IGFBP1: variants seen among roughly 807,000 people sequenced by gnomAD.
The protein encoded by IGFBP1 is insulin like growth factor binding protein 1.
IGFBP1 carries 31 observed loss-of-function variants against 23.1 expected under a neutral mutation model. That is an observed-to-expected ratio of 1.34 (90% CI 1.01 to 1.81). The LOEUF is 1.81. Ranked by LOEUF, IGFBP1 falls within the 40% of genes most tolerant of loss-of-function variation. The pLI, the probability that IGFBP1 is intolerant of heterozygous loss-of-function variation, is 0.00. For missense variants in IGFBP1, 333 were observed against 342.2 expected (o/e 0.97, Z 0.21); for synonymous variants, 148 against 145.5 (o/e 1.02, Z -0.13).
intron 2 of IGFBP1, 30 bp downstream of exon 2, chr7:45,890,747 T>C (rs760516629): frequency 6.4e-7 from 1 of 1,568,054 alleles, no homozygotes; most frequent in South Asian, 1.2e-5. Flanking sequence ...TGGTGGGAAC[T>C]CTCCTGTCAG....
intron 3 of IGFBP1, among the ~76,000 whole-genome samples, chr7:45,892,369 G>A (rs1787092456): frequency 6.6e-6 from 1 of 152,196 alleles, no homozygotes; most frequent in Admixed American, 6.5e-5. Context: ...CCTAACGCTT[G>A]GATCTTGGGT....
chr7:45,891,536 T>C (rs2854843), intron 2 of IGFBP1, among the ~76,000 whole-genome samples: 23,086 of 152,224 alleles, frequency 0.15, 2,041 homozygotes, highest in East Asian at 0.33. Context: ...AATCTAGAAA[T>C]GTCTTCTGCT....
rs1787086893 is a variant in IGFBP1, at chr7:45,891,967, G to T, written c.555G>T (p.Glu185Asp). 6.2e-7 allele frequency: 1 copy of T among 1,613,930 alleles called. No individual in the cohort carries two copies. The highest frequency in any genetic ancestry group is 1.1e-5 in the South Asian group (1 of 91,086). The change falls in exon 3 of 4, where the codon GAG becomes GAT. Residue 185 changes from glutamate to aspartate, a missense_variant. Physicochemically the swap from Glu to Asp is conservative, Grantham distance 45 (BLOSUM62 2). Transcript: ENST00000275525. ...GAATAGAACTCTACAGAGTCGTAGA[G>T]AGTTTAGCCAAGGCACAGGAGACAT... is the stretch of plus-strand genomic sequence containing the variant. ...PCRIELYRVVESLAKAQETSG... is the reference protein window; with the variant it reads ...PCRIELYRVVDSLAKAQETSG...
Position 45,888,763 on chromosome 7 carries a change from G to T in IGFBP1, c.111G>T (p.Lys37Asn). 6.3e-7 allele frequency: 1 copy of T among 1,575,984 alleles called. No homozygotes were observed. The highest frequency in any genetic ancestry group is 8.6e-7 in the Non-Finnish European group (1 of 1,168,926). ...AGTGCGCGCCCTGCTCCGCCGAGAA[G>T]CTCGCGCTCTGCCCGCCGGTGTCCG... ...PWQCAPCSAE[K>N]LALCPPVSAS... is the part of the protein sequence containing the mutation. Residue 37 changes from lysine to asparagine, a missense_variant, in exon 1 of 4, where the codon AAG becomes AAT. Physicochemically the swap from Lys to Asn is moderately conservative, Grantham distance 94. Coordinates refer to ENST00000275525, the MANE Select transcript of IGFBP1 (RefSeq NM_000596.4).
At chr7:45,891,751 C>T (rs902441635) in intron 2 of IGFBP1, among the ~76,000 whole-genome samples, 181 bp from the exon 3 acceptor site, 2 of 152,128 alleles carry the variant, frequency 1.3e-5, no homozygotes, top group Non-Finnish European at 2.9e-5. Flanking sequence ...TTAAGACAGA[C>T]TAACTGCAGG....
rs1389339072 is a variant in IGFBP1, at chr7:45,888,769, G to T, written c.117G>T (p.Ala39=). 1.3e-6 allele frequency: 2 copies of T among 1,565,914 alleles called. No individual in the cohort carries two copies. The highest frequency in any genetic ancestry group is 1.7e-6 in the Non-Finnish European group (2 of 1,163,104). The part of the protein sequence containing the change: ...QCAPCSAEKL[A]LCPPVSASCS... ...CGCCCTGCTCCGCCGAGAAGCTCGC[G>T]CTCTGCCCGCCGGTGTCCGCCTCGT... is the stretch of plus-strand genomic sequence containing the variant. Residue 39 remains alanine, a synonymous_variant, in exon 1 of 4, where the codon GCG becomes GCT. Coordinates refer to ENST00000275525, the MANE Select transcript of IGFBP1 (RefSeq NM_000596.4).
At position 45,888,861 on chromosome 7, in the gene IGFBP1, C is replaced by A; in HGVS notation, c.209C>A (p.Ala70Glu). The A allele has an allele frequency of 6.6e-7, 1 of 1,513,272 alleles. No homozygotes were observed. The highest frequency in any genetic ancestry group is 8.8e-7 in the Non-Finnish European group (1 of 1,140,356). 93.7% of individuals were successfully genotyped at this position (1,513,272 alleles called of 1,614,324 possible). The stretch of plus-strand genomic sequence containing the variant: ...ATGTGCGCCCTGCCTCTGGGCGCCG[C>A]GTGCGGCGTGGCGACTGCACGCTGC... ...CPMCALPLGA[A>E]CGVATARCAR... The change falls in exon 1 of 4, where the codon GCG (alanine) becomes GAG (glutamate). Residue 70 changes from alanine (A) to glutamate (E), a missense_variant. Physicochemically the swap from Ala to Glu is moderately radical, Grantham distance 107. Coordinates refer to ENST00000275525, the MANE Select transcript of IGFBP1 (RefSeq NM_000596.4).
intron 3 of IGFBP1, 134 bp downstream of exon 3, chr7:45,892,194 T>TCC (rs1451698923): frequency 1.1e-6 from 1 of 910,962 alleles, no homozygotes; most frequent in African/African-American, 1.7e-5. Flanking sequence ...TTGAGCCAGA[T>TCC]CCACCCCTCT....
In IGFBP1 at chr7:45,893,108, G is replaced by C; in HGVS notation, c.*17G>C. The C allele has an allele frequency of 6.3e-7, 1 of 1,583,636 alleles. No homozygotes were observed. Among genetic ancestry groups the C allele is most frequent in the Admixed American group, 1.7e-5 (1 of 59,724 alleles). Reference sequence around the variant, plus strand: ...CAAAACTGAAACCAGATGAAATAATGTTCTGTCACGTGAAATATTTAAGTA... The same window carrying C: ...CAAAACTGAAACCAGATGAAATAATCTTCTGTCACGTGAAATATTTAAGTA... On this transcript the variant is annotated 3_prime_UTR_variant, in exon 4 of 4. Coordinates refer to ENST00000275525, the MANE Select transcript of IGFBP1 (RefSeq NM_000596.4).
chr7:45,889,904 G>A (rs1408026061), intron 1 of IGFBP1, among the ~76,000 whole-genome samples: 1 of 152,222 alleles, frequency 6.6e-6, no homozygotes, highest in African/African-American at 2.4e-5. Context: ...TGATCCTCAA[G>A]GAGATGGATT....
intron 1 of IGFBP1, among the ~76,000 whole-genome samples, chr7:45,889,914 T>A (rs1419727294): frequency 6.6e-6 from 1 of 152,190 alleles, no homozygotes; most frequent in Non-Finnish European, 1.5e-5. Flanking sequence ...GGAGATGGAT[T>A]TCCACAGGGG....
rs537803400 is a variant in IGFBP1, at chr7:45,891,827, C to T, written c.520-105C>T. 2.8e-5 allele frequency: 33 copies of T among 1,164,376 alleles called. No homozygotes were observed. The South Asian group carries it at 3.9e-4, about 14-fold the overall frequency. 72.1% of individuals were successfully genotyped at this position (1,164,376 alleles called of 1,614,324 possible). A position where few individuals can be genotyped will look rare whatever the true frequency, so the allele number is the denominator to read the frequency against. On this transcript the variant is annotated intron_variant, in intron 2 of 3. Coordinates refer to ENST00000275525, the MANE Select transcript of IGFBP1 (RefSeq NM_000596.4). Reference sequence around the variant, plus strand: ...TAGTCCCAGGTCCCCGTGGCCAGATCGTAGGGCCACTCCTGCTTCTACAAA... The same window carrying T: ...TAGTCCCAGGTCCCCGTGGCCAGATTGTAGGGCCACTCCTGCTTCTACAAA...
chr7:45,893,133 A>G lies in IGFBP1; in HGVS notation c.*42A>G, dbSNP rs988110489. The G allele has an allele frequency of 2.7e-5, 38 of 1,416,564 alleles. No homozygotes were observed. The highest frequency in any genetic ancestry group is 4.1e-4 in the Middle Eastern group (2 of 4,928). 87.7% of individuals were successfully genotyped at this position (1,416,564 alleles called of 1,614,324 possible). On this transcript the variant is annotated 3_prime_UTR_variant, in exon 4 of 4. Coordinates refer to ENST00000275525, the MANE Select transcript of IGFBP1 (RefSeq NM_000596.4). ...GTTCTGTCACGTGAAATATTTAAGTATATAGTATATTTATACTCTAGAACA... is the reference window on the plus strand; with the variant it reads ...GTTCTGTCACGTGAAATATTTAAGTGTATAGTATATTTATACTCTAGAACA...
At position 45,888,998 on chromosome 7, in the gene IGFBP1, G is replaced by T; in HGVS notation, c.346G>T (p.Ala116Ser). The T allele has an allele frequency of 6.6e-7, 1 of 1,514,334 alleles. No homozygotes were observed. Among genetic ancestry groups the T allele is most frequent in the Non-Finnish European group, 8.8e-7 (1 of 1,137,746 alleles). The allele number at this position is 1,514,334 out of a possible 1,614,324, so 93.8% of individuals were successfully genotyped here. Residue 116 changes from alanine (A) to serine (S), a missense_variant, in exon 1 of 4, where the codon GCA becomes TCA. Coordinates refer to ENST00000275525, the MANE Select transcript of IGFBP1 (RefSeq NM_000596.4). Reference protein sequence around the residue: ...QESDASAPHAAEAGSPESPES... With the variant: ...QESDASAPHASEAGSPESPES... ...GTCTGACGCCTCCGCTCCCCATGCTGCAGGTACCACAGTCCCGCCCCTGCT... is the reference window on the plus strand; with the variant it reads ...GTCTGACGCCTCCGCTCCCCATGCTTCAGGTACCACAGTCCCGCCCCTGCT...
chr7:45,889,788 G>A (rs1470067495), intron 1 of IGFBP1, among the ~76,000 whole-genome samples: 1 of 152,170 alleles, frequency 6.6e-6, no homozygotes, highest in African/African-American at 2.4e-5. Context: ...TACCCTGATA[G>A]GGTGTTAGAG....
rs1787021124 is a variant in IGFBP1, at chr7:45,888,749, T to A, written c.97T>A (p.Cys33Ser). The A allele has an allele frequency of 5.0e-6, 8 of 1,588,018 alleles. No homozygotes were observed. Among genetic ancestry groups the A allele is most frequent in the Non-Finnish European group, 6.0e-6 (7 of 1,175,848 alleles). Residue 33 changes from cysteine to serine, a missense_variant, in exon 1 of 4, where the codon TGC becomes AGC. By Grantham distance (112) the Cys-to-Ser change is moderately radical. Coordinates refer to ENST00000275525, the MANE Select transcript of IGFBP1 (RefSeq NM_000596.4). The part of the protein sequence containing the change: ...TAGAPWQCAP[C>S]SAEKLALCPP... ...CGGCGCTCCGTGGCAGTGCGCGCCC[T>A]GCTCCGCCGAGAAGCTCGCGCTCTG... is the stretch of plus-strand genomic sequence containing the variant.
At position 45,893,299 on chromosome 7, in the gene IGFBP1, A is replaced by G; in HGVS notation, c.*208A>G. The stretch of plus-strand genomic sequence containing the variant: ...CACAGTAAAAACTTGTACTATGTTA[A>G]TAACTTGTCCTATGTCAATTTGTAT... On this transcript the variant is annotated 3_prime_UTR_variant, in exon 4 of 4. Transcript: ENST00000275525. The G allele has an allele frequency of 5.0e-6, 1 of 200,502 alleles. No individual in the cohort carries two copies. Among genetic ancestry groups the G allele is most frequent in the Non-Finnish European group, 9.9e-6 (1 of 100,944 alleles). 12.4% of individuals were successfully genotyped at this position (200,502 alleles called of 1,614,324 possible). A position where few individuals can be genotyped will look rare whatever the true frequency, so the allele number is the denominator to read the frequency against.
chr7:45,888,970 G>C lies in IGFBP1; in HGVS notation c.318G>C (p.Gln106His). The stretch of plus-strand genomic sequence containing the variant: ...CCCGCGGCCAAGGCGCCTGCGTGCA[G>C]GAGTCTGACGCCTCCGCTCCCCATG... Reference protein sequence around the residue: ...ALTRGQGACVQESDASAPHAA... With the variant: ...ALTRGQGACVHESDASAPHAA... Residue 106 changes from glutamine (Q) to histidine (H), a missense_variant, in exon 1 of 4, where the codon CAG (glutamine) becomes CAC (histidine). Transcript: ENST00000275525. 2.0e-6 allele frequency: 3 copies of C among 1,520,304 alleles called. No individual in the cohort carries two copies. The highest frequency in any genetic ancestry group is 2.6e-6 in the Non-Finnish European group (3 of 1,140,996). The allele number at this position is 1,520,304 out of a possible 1,614,324, so 94.2% of individuals were successfully genotyped here.
At chr7:45,889,646 G>T (rs143534261) in intron 1 of IGFBP1, among the ~76,000 whole-genome samples, 1 of 152,298 alleles carries the variant, frequency 6.6e-6, no homozygotes, top group East Asian at 1.9e-4. Context: ...GTTCTTTCCT[G>T]GATTTAAGCA....
Sources: gnomAD v4.1 joint callset for allele counts (sites outside exome capture counted in the v4.1 genomes callset) on GRCh38, gnomAD v4.1.1 for gene constraint, MANE v1.5 for transcripts, NCBI Gene and HGNC (gene_info 2026-07-23, HGNC 2026-07-21) for gene names.